Variants in DNAH14 observed in about 807,000 individuals in gnomAD.
DNAH14 encodes the protein axonemal beta dynein heavy chain 14.
DNAH14 carries 478 observed loss-of-function variants against 520.9 expected under a neutral mutation model. The observed-to-expected ratio is 0.92, with a 90% CI of 0.85 to 0.99. DNAH14 has a LOEUF of 0.99. Among genes scored for constraint, DNAH14 ranks in the 50% least tolerant of loss-of-function variants. The pLI, the probability that DNAH14 is intolerant of heterozygous loss-of-function variation, is 0.00. For missense variants in DNAH14, 4,831 were observed against 5,234.5 expected (o/e 0.92, Z 2.38); for synonymous variants, 1,581 against 1,757.2 (o/e 0.90, Z 2.51).
At chr1:225,163,003 T>A (rs2081668675) in intron 35 of DNAH14, among the ~76,000 whole-genome samples, 1 of 151,838 alleles carries the variant, frequency 6.6e-6, no homozygotes. Context: ...CGGGGCGTGG[T>A]GGCACATGCC....
At chr1:225,119,419 ATATGGAGTCAAATCTCT>A (rs1437196495) in intron 26 of DNAH14, 125 bp downstream of exon 26, 15 of 583,710 alleles carry the variant, frequency 2.6e-5, no homozygotes, top group Non-Finnish European at 5.3e-6. Context: ...CCAGAAAAGA[ATATGGAGTCAAATCTCT>A]TATGAAATGG....
At chr1:225,245,847 T>C (rs1024020321) in intron 43 of DNAH14, among the ~76,000 whole-genome samples, 1 of 152,140 alleles carries the variant, frequency 6.6e-6, no homozygotes, top group Non-Finnish European at 1.5e-5. Context: ...TACCATTTAC[T>C]TTCTTCACAG....
intron 31 of DNAH14, among the ~76,000 whole-genome samples, chr1:225,148,622 A>C (rs555190659): frequency 6.6e-6 from 1 of 151,978 alleles, no homozygotes; most frequent in Non-Finnish European, 1.5e-5. Flanking sequence ...GGCTGGTCTC[A>C]AACTCCTGAC....
chr1:225,027,783 G>C (rs1484985937), intron 11 of DNAH14, among the ~76,000 whole-genome samples: 1 of 151,930 alleles, frequency 6.6e-6, no homozygotes, highest in African/African-American at 2.4e-5. Context: ...ATGAGATTTG[G>C]TTGAAGACAC....
chr1:225,059,479 C>A lies in DNAH14; in HGVS notation c.2424+7684C>A, dbSNP rs2069674103. On this transcript the variant is annotated intron_variant, in intron 17 of 85. Coordinates refer to ENST00000682510, the MANE Select transcript of DNAH14 (RefSeq NM_001367479.1). Reference sequence around the variant, plus strand: ...CACTGATGGGTCTTGACTCTTTATCCATTTTGCCAGTGTGTGTCTTTTAAT... The same window carrying A: ...CACTGATGGGTCTTGACTCTTTATCAATTTTGCCAGTGTGTGTCTTTTAAT... Among the ~76,000 whole-genome samples the A allele has an allele frequency of 2.0e-5, 3 of 152,134 alleles. 1 individual carries two copies. In the South Asian group the frequency reaches 6.2e-4, roughly 32 times the overall value.
At chr1:225,034,886 G>T (rs2148142255) in intron 11 of DNAH14, among the ~76,000 whole-genome samples, 1 of 151,904 alleles carries the variant, frequency 6.6e-6, no homozygotes, top group East Asian at 1.9e-4. Context: ...AGTTTCTGAT[G>T]GTTGTTTTTA....
At chr1:225,201,492 G>C (rs1280389557) in intron 38 of DNAH14, among the ~76,000 whole-genome samples, 4 of 152,090 alleles carry the variant, frequency 2.6e-5, no homozygotes, top group African/African-American at 4.8e-5. Flanking sequence ...ATTTGGGTAG[G>C]CTCTGTCAGA....
chr1:225,379,284 C>T (rs1460739951), intron 79 of DNAH14, among the ~76,000 whole-genome samples: 2 of 152,094 alleles, frequency 1.3e-5, no homozygotes, highest in Non-Finnish European at 2.9e-5. Context: ...ACAAAGAAAT[C>T]CTAAAAAAGC....
rs138793488 is a variant in DNAH14, at chr1:224,931,910, A to AGGGG, written c.-34+2075_-34+2076insGGGG. ...TTGCTTTTGTGAATACTGCTGCAAT[A>AGGGG]AATGTGTGAGTGCAGGTATTCCTTT... On this transcript the variant is annotated intron_variant, in intron 1 of 85. Coordinates refer to ENST00000682510, the MANE Select transcript of DNAH14 (RefSeq NM_001367479.1). 1.9e-3 allele frequency among the ~76,000 whole-genome samples: 296 copies of AGGGG among 152,324 alleles called. 1 individual carries two copies. The highest frequency in any genetic ancestry group is 3.0e-3 in the Non-Finnish European group (206 of 68,010).
At chr1:225,260,489 T>A (rs1018570698) in intron 46 of DNAH14, among the ~76,000 whole-genome samples, 1 of 152,216 alleles carries the variant, frequency 6.6e-6, no homozygotes, top group African/African-American at 2.4e-5. Context: ...GGTTTATTTC[T>A]GGGCCCTTTA....
Position 224,974,171 on chromosome 1 carries a change from A to G in DNAH14, c.830+18A>G, listed in dbSNP as rs772039638. 1.3e-5 allele frequency: 19 copies of G among 1,432,476 alleles called. No homozygotes were observed. In the East Asian group the frequency reaches 3.7e-4, roughly 28 times the overall value. The allele number at this position is 1,432,476 out of a possible 1,614,324, so 88.7% of individuals were successfully genotyped here. ...AAGAGCAGGTAAGTTTTGATACGCAATATATAAAAATTTCAAAAGGAAGCT... is the reference window on the plus strand; with the variant it reads ...AAGAGCAGGTAAGTTTTGATACGCAGTATATAAAAATTTCAAAAGGAAGCT... On this transcript the variant is annotated intron_variant, in intron 8 of 85. Coordinates refer to ENST00000682510, the MANE Select transcript of DNAH14 (RefSeq NM_001367479.1).
intron 3 of DNAH14, among the ~76,000 whole-genome samples, chr1:224,956,956 G>A (rs2060555972): frequency 6.6e-6 from 1 of 152,060 alleles, no homozygotes; most frequent in Non-Finnish European, 1.5e-5. Flanking sequence ...ACAAGTGTTG[G>A]GTAAAGCAAG....
At chr1:224,967,883 T>C in intron 6 of DNAH14, 1 of 1,282,384 alleles carries the variant, frequency 7.8e-7, no homozygotes, top group Non-Finnish European at 9.8e-7. Flanking sequence ...GCTAGCTTAA[T>C]GGGAACTATA....
chr1:225,390,374 C>A (rs1054225630), intron 83 of DNAH14, among the ~76,000 whole-genome samples: 1 of 152,006 alleles, frequency 6.6e-6, no homozygotes, highest in African/African-American at 2.4e-5. Context: ...GATGCGTGGT[C>A]GTGGGGTGGA....
At position 225,050,267 on chromosome 1, in the gene DNAH14, C is replaced by T. The variant is rs1193180362; in HGVS notation, c.1970C>T (p.Ser657Leu). 6.5e-7 allele frequency: 1 copy of T among 1,549,988 alleles called. No individual in the cohort carries two copies. The highest frequency in any genetic ancestry group is 8.7e-7 in the Non-Finnish European group (1 of 1,146,474). ...PQLSIFIDLV[S>L]IMDLPNKTGS... ...CTGTCTATCTTCATTGATTTGGTTT[C>T]AATAATGGATTTACCTAATAAGACA... The change falls in exon 16 of 86, where the codon TCA becomes TTA. Residue 657 changes from serine to leucine, a missense_variant. Coordinates refer to ENST00000682510, the MANE Select transcript of DNAH14 (RefSeq NM_001367479.1).
intron 83 of DNAH14, among the ~76,000 whole-genome samples, chr1:225,391,446 TG>T (rs1294966492): frequency 2.0e-5 from 3 of 152,170 alleles, no homozygotes; most frequent in African/African-American, 7.2e-5. Flanking sequence ...TACTCCAGCC[TG>T]GGCAACAGAG....
At chr1:224,991,528 T>A (rs1356005300) in intron 8 of DNAH14, among the ~76,000 whole-genome samples, 1 of 152,008 alleles carries the variant, frequency 6.6e-6, no homozygotes, top group Admixed American at 6.6e-5. Context: ...CAGGCTGGAG[T>A]GCAGTGGTGT....
intron 8 of DNAH14, among the ~76,000 whole-genome samples, chr1:224,993,452 A>G (rs1429632467): frequency 6.6e-6 from 1 of 151,678 alleles, no homozygotes; most frequent in Non-Finnish European, 1.5e-5. Flanking sequence ...GGATTTATTT[A>G]TTTATTCTAG....
chr1:225,052,262 C>T (rs1051506810), intron 17 of DNAH14, among the ~76,000 whole-genome samples: 2 of 152,094 alleles, frequency 1.3e-5, no homozygotes, highest in Admixed American at 1.3e-4. Flanking sequence ...GGCAGATCTC[C>T]TCTGGGACCA....
Sources: gnomAD v4.1 joint callset for allele counts (sites outside exome capture counted in the v4.1 genomes callset) on GRCh38, gnomAD v4.1.1 for gene constraint, MANE v1.5 for transcripts, NCBI Gene and HGNC (gene_info 2026-07-23, HGNC 2026-07-21) for gene names.